Variants in TMEM72 observed in about 807,000 individuals in gnomAD.
The protein encoded by TMEM72 is transmembrane protein 72.
Under a neutral mutation model 16.3 loss-of-function variants are expected in TMEM72, and 9 were observed. The ratio of observed to expected loss-of-function variants is 0.55; its 90% CI spans 0.33 to 0.96. The LOEUF (loss-of-function observed/expected upper bound fraction) is 0.96, where lower values mean the gene tolerates loss of function less well. TMEM72 is among the 40% of genes least tolerant of loss of function. The pLI, the probability that TMEM72 is intolerant of heterozygous loss-of-function variation, is 0.03. For missense variants in TMEM72, 324 were observed against 337.8 expected (o/e 0.96, Z 0.32); for synonymous variants, 160 against 146.5 (o/e 1.09, Z -0.66).
At chr10:44,911,928 A>C (rs1203203029) in intron 1 of TMEM72, among the ~76,000 whole-genome samples, 3 of 152,198 alleles carry the variant, frequency 2.0e-5, no homozygotes, top group African/African-American at 7.2e-5. Context: ...GAAGGTGAAG[A>C]TAGAAAGGGC....
At chr10:44,928,821 C>T (rs1275377478) in intron 2 of TMEM72, among the ~76,000 whole-genome samples, 3 of 151,668 alleles carry the variant, frequency 2.0e-5, no homozygotes, top group Non-Finnish European at 2.9e-5. Context: ...CATCCACCCA[C>T]CTATCCATCC....
chr10:44,926,023 ACT>A lies in TMEM72; in HGVS notation c.71-1896_71-1895del, dbSNP rs935208656. ...CACACATGCACATTCACACACATACACTCACACACACACACTCACACACATCC... is the reference window on the plus strand; with the variant it reads ...CACACATGCACATTCACACACATACACACACACACACACTCACACACATCC... On this transcript the variant is annotated intron_variant, in intron 1 of 4. Transcript: ENST00000389583. 1.3e-4 allele frequency among the ~76,000 whole-genome samples: 19 copies of A among 150,912 alleles called. 1 individual carries two copies. Among genetic ancestry groups the A allele is most frequent in the Admixed American group, 5.3e-4 (8 of 15,204 alleles).
intron 1 of TMEM72, 86 bp downstream of exon 1, chr10:44,911,668 A>G (rs1371207578): frequency 2.1e-6 from 3 of 1,451,482 alleles, no homozygotes; most frequent in Non-Finnish European, 2.8e-6. Flanking sequence ...GCCAGGAGAC[A>G]GCAGGCACAT....
In TMEM72 at chr10:44,915,954, A is replaced by C. The variant is rs143397674; in HGVS notation, c.70+4372A>C. Among the ~76,000 whole-genome samples, 271 of 152,252 alleles carry C rather than the reference A, an allele frequency of 1.8e-3. 1 individual carries two copies. The highest frequency in any genetic ancestry group is 3.5e-3 in the Admixed American group (54 of 15,300). ...TGATGGGTCCAGAGGTGCAGGGCTG[A>C]CTGCATGCATTATGGTCATTGTCTC... On this transcript the variant is annotated intron_variant, in intron 1 of 4. Coordinates refer to ENST00000389583, the MANE Select transcript of TMEM72 (RefSeq NM_001123376.3).
chr10:44,932,314 G>A (rs1258041721), intron 3 of TMEM72, among the ~76,000 whole-genome samples: 1 of 152,182 alleles, frequency 6.6e-6, no homozygotes, highest in African/African-American at 2.4e-5. Context: ...GCCTGTCCTT[G>A]CCCAGAATCC....
chr10:44,931,149 G>A (rs116976562), intron 2 of TMEM72, among the ~76,000 whole-genome samples: 1,968 of 152,326 alleles, frequency 0.013, 16 homozygotes, highest in Non-Finnish European at 0.019. Flanking sequence ...AGAGGGAAGG[G>A]GAAGGCCTTC....
intron 1 of TMEM72, among the ~76,000 whole-genome samples, chr10:44,918,753 C>T (rs1350004469): frequency 6.6e-6 from 1 of 152,122 alleles, no homozygotes; most frequent in Non-Finnish European, 1.5e-5. Flanking sequence ...AATCCTAACA[C>T]CCAACATGAT....
intron 4 of TMEM72, 111 bp downstream of exon 4, chr10:44,933,887 C>A: frequency 2.0e-5 from 26 of 1,327,984 alleles, no homozygotes; most frequent in Non-Finnish European, 2.5e-5. Context: ...ACCTTACCTG[C>A]CCCACTGCCC....
intron 3 of TMEM72, among the ~76,000 whole-genome samples, chr10:44,933,417 C>A: frequency 6.6e-6 from 1 of 152,252 alleles, no homozygotes; most frequent in East Asian, 1.9e-4. Flanking sequence ...ACCAGAAAAA[C>A]AGGTCTGGGC....
chr10:44,930,954 C>G lies in TMEM72; in HGVS notation c.138-1044C>G, dbSNP rs1320595259. Among the ~76,000 whole-genome samples, 4 of 152,246 alleles carry G rather than the reference C, an allele frequency of 2.6e-5. No homozygotes were observed. In the East Asian group the frequency reaches 7.7e-4, roughly 29 times the overall value. The stretch of plus-strand genomic sequence containing the variant: ...ACCCCAAGCCACCTTCTGCACAACA[C>G]TATCCACTTTCATTCCTTCATTTAT... On this transcript the variant is annotated intron_variant, in intron 2 of 4. Coordinates refer to ENST00000389583, the MANE Select transcript of TMEM72 (RefSeq NM_001123376.3).
In TMEM72 at chr10:44,911,564, G is replaced by A. The variant is rs1210392799; in HGVS notation, c.52G>A (p.Gly18Ser). The A allele has an allele frequency of 6.4e-7, 1 of 1,551,094 alleles. No individual in the cohort carries two copies. Among genetic ancestry groups the A allele is most frequent in the South Asian group, 1.2e-5 (1 of 84,110 alleles). The change falls in exon 1 of 5, where the codon GGC becomes AGC. Residue 18 changes from glycine (G) to serine (S), a missense_variant. Gly to Ser is a moderately conservative substitution (Grantham distance 56, BLOSUM62 0). Coordinates refer to ENST00000389583, the MANE Select transcript of TMEM72 (RefSeq NM_001123376.3). The part of the protein sequence containing the change: ...TGLEYTCRLL[G>S]ITTAAVLIGV... ...GCTGGAATACACCTGCCGGCTCCTGGGCATCACCACTGCTGCAGGTAAGAC... is the reference window on the plus strand; with the variant it reads ...GCTGGAATACACCTGCCGGCTCCTGAGCATCACCACTGCTGCAGGTAAGAC...
intron 4 of TMEM72, among the ~76,000 whole-genome samples, chr10:44,934,183 G>C (rs536281831): frequency 6.6e-6 from 1 of 151,456 alleles, no homozygotes; most frequent in East Asian, 2.0e-4. Context: ...TTCAGGGTGG[G>C]ACCCCAGAAA....
At chr10:44,915,658 C>T (rs374362937) in intron 1 of TMEM72, among the ~76,000 whole-genome samples, 4 of 152,172 alleles carry the variant, frequency 2.6e-5, no homozygotes, top group Non-Finnish European at 4.4e-5. Context: ...TACCCTCATG[C>T]TCCTGCCCTT....
At position 44,927,974 on chromosome 10, in the gene TMEM72, G is replaced by T; in HGVS notation, c.124G>T (p.Ala42Ser). 2 of 1,613,706 alleles carry T rather than the reference G, an allele frequency of 1.2e-6. No individual in the cohort carries two copies. The highest frequency in any genetic ancestry group is 1.7e-6 in the Non-Finnish European group (2 of 1,179,968). ...TFLQGQFKSL[A>S]FYLLFTGAAV... ...CCTCCAGGGCCAGTTCAAAAGCCTG[G>T]CTTTCTATCTGCTGTGAGTATGTGT... Residue 42 changes from alanine (A) to serine (S), a missense_variant, in exon 2 of 5, where the codon GCT becomes TCT. Transcript: ENST00000389583.
At chr10:44,918,715 T>C (rs1182412960) in intron 1 of TMEM72, among the ~76,000 whole-genome samples, 1 of 152,200 alleles carries the variant, frequency 6.6e-6, no homozygotes, top group Admixed American at 6.5e-5. Context: ...TAAATGTTTG[T>C]GTCCCCCCAG....
chr10:44,926,129 ACT>A (rs762150097), intron 1 of TMEM72, among the ~76,000 whole-genome samples: 1 of 150,944 alleles, frequency 6.6e-6, no homozygotes, highest in Non-Finnish European at 1.5e-5. Context: ...ACATACATAC[ACT>A]CACACACTCA....
chr10:44,934,595 G>A (rs1177709349), intron 4 of TMEM72, 61 bp from the exon 5 acceptor site: 8 of 1,469,278 alleles, frequency 5.4e-6, no homozygotes, highest in Non-Finnish European at 7.3e-6. Flanking sequence ...CGACATGCTT[G>A]CAAGGACTCC....
chr10:44,914,871 C>T (rs748177781), intron 1 of TMEM72, among the ~76,000 whole-genome samples: 1 of 152,234 alleles, frequency 6.6e-6, no homozygotes, highest in South Asian at 2.1e-4. Context: ...CTTTGAACTT[C>T]AGCCATCCTC....
At chr10:44,931,160 C>T (rs1840289230) in intron 2 of TMEM72, among the ~76,000 whole-genome samples, 1 of 152,192 alleles carries the variant, frequency 6.6e-6, no homozygotes, top group Non-Finnish European at 1.5e-5. Context: ...GAAGGCCTTC[C>T]AGGAAAAGCT....
Sources: allele counts gnomAD v4.1 joint callset (sites outside exome capture counted in the v4.1 genomes callset), GRCh38; gene constraint gnomAD v4.1.1; transcripts MANE v1.5; gene names NCBI Gene and HGNC (gene_info 2026-07-23, HGNC 2026-07-21).